The following SPATA6 variants were observed in gnomAD, a reference collection of about 807,000 sequenced individuals.
SPATA6 encodes spermatogenesis associated 6, also known as spermatogenesis-associated protein 6.
A neutral mutation model predicts 65.3 loss-of-function variants in SPATA6; 56 were observed. That is an observed-to-expected ratio of 0.86 (90% CI 0.69 to 1.07). The LOEUF (loss-of-function observed/expected upper bound fraction) is 1.07. Among genes scored for constraint, SPATA6 ranks in the 50% least tolerant of loss-of-function variants. The probability of loss-of-function intolerance (pLI) is 0.00; values close to 1 mark genes in which losing one functional copy is unlikely to be tolerated. For missense variants in SPATA6, 590 were observed against 594.8 expected (o/e 0.99, Z 0.08); for synonymous variants, 199 against 213.2 (o/e 0.93, Z 0.58).
the SPATA6 span, among the ~76,000 whole-genome samples, chr1:48,268,286 C>T: frequency 6.7e-6 from 1 of 148,410 alleles, no homozygotes; most frequent in African/African-American, 2.5e-5. Context: ...TGAGATGGGT[C>T]TACTTAAAAA....
chr1:48,340,236 T>A (rs1298670503), intron 11 of SPATA6, among the ~76,000 whole-genome samples: 3 of 64,386 alleles, frequency 4.7e-5, no homozygotes, highest in African/African-American at 1.4e-4. Flanking sequence ...ACAGTAGGCC[T>A]GCACTAAAAA....
chr1:48,357,146 T>G (rs1570275990), intron 10 of SPATA6, among the ~76,000 whole-genome samples: 1 of 152,230 alleles, frequency 6.6e-6, no homozygotes, highest in Non-Finnish European at 1.5e-5. Context: ...AACTCAAAAC[T>G]TTAAGCATGA....
At chr1:48,471,882 G>A in intron 1 of SPATA6, 76 bp downstream of exon 1, 1 of 1,534,442 alleles carries the variant, frequency 6.5e-7, no homozygotes. Flanking sequence ...GTTTGGGGGT[G>A]GTTCCGGGCT....
Position 48,394,618 on chromosome 1 carries a change from T to C in SPATA6, c.868+649A>G, listed in dbSNP as rs930397330. ...GAGATTACACACAACAGGTTAGAAA[T>C]AGAGATGAAGCTCACTCAATGTAAT... On this transcript the variant is annotated intron_variant, in intron 8 of 12. Coordinates refer to ENST00000371847, the MANE Select transcript of SPATA6 (RefSeq NM_019073.4). Among the ~76,000 whole-genome samples the C allele has an allele frequency of 2.6e-5, 4 of 152,180 alleles. No homozygotes were observed. The South Asian group carries it at 6.2e-4, about 24-fold the overall frequency.
the SPATA6 span, among the ~76,000 whole-genome samples, chr1:48,277,033 A>G: frequency 1.3e-5 from 2 of 150,654 alleles, no homozygotes; most frequent in Non-Finnish European, 3.0e-5. Flanking sequence ...ATATATATTT[A>G]AGATAGTTAA....
intron 7 of SPATA6, chr1:48,398,982 C>T (rs1465439355): frequency 6.1e-6 from 1 of 164,068 alleles, no homozygotes; most frequent in Non-Finnish European, 1.3e-5. Flanking sequence ...AAAGGAGGGT[C>T]TTCCTTTTCA....
chr1:48,438,665 C>A (rs1477240816), intron 3 of SPATA6, among the ~76,000 whole-genome samples: 5 of 152,196 alleles, frequency 3.3e-5, no homozygotes, highest in African/African-American at 7.2e-5. Flanking sequence ...TCTATCCTGA[C>A]CCTTGCCTCC....
Position 48,296,947 on chromosome 1 carries a change from G to A in SPATA6, c.*1766C>T, listed in dbSNP as rs1376780758. 2 of 152,076 alleles carry A rather than the reference G, an allele frequency of 1.3e-5. No individual in the cohort carries two copies. The highest frequency in any genetic ancestry group is 2.9e-5 in the Non-Finnish European group (2 of 68,022). 9.4% of individuals were successfully genotyped at this position (152,076 alleles called of 1,614,324 possible). ...TTACATGCCAGGCTGTCTACTAGAT[G>A]CAGAGTAAGACAGATTTATACCAGA... On this transcript the variant is annotated 3_prime_UTR_variant, in exon 13 of 13. Transcript: ENST00000371847.
At chr1:48,466,092 C>T (rs1433456260) in intron 1 of SPATA6, among the ~76,000 whole-genome samples, 1 of 151,998 alleles carries the variant, frequency 6.6e-6, no homozygotes, top group Non-Finnish European at 1.5e-5. Context: ...CTCCCTAGGG[C>T]ACACAATACA....
At chr1:48,370,932 A>G (rs1647226327) in intron 9 of SPATA6, among the ~76,000 whole-genome samples, 1 of 152,248 alleles carries the variant, frequency 6.6e-6, no homozygotes, top group South Asian at 2.1e-4. Context: ...ACAAACTGAC[A>G]AACTTTCTGA....
intron 11 of SPATA6, among the ~76,000 whole-genome samples, chr1:48,320,503 G>C (rs1241116452): frequency 2.0e-5 from 3 of 152,218 alleles, no homozygotes; most frequent in African/African-American, 7.2e-5. Flanking sequence ...TTGTAGAATA[G>C]TATATCTGGC....
At chr1:48,418,083 T>C (rs184488792) in intron 3 of SPATA6, among the ~76,000 whole-genome samples, 76 of 152,306 alleles carry the variant, frequency 5.0e-4, no homozygotes, top group Admixed American at 9.1e-4. Flanking sequence ...TTCTCTATAT[T>C]GTCTTTTAGT....
intron 11 of SPATA6, among the ~76,000 whole-genome samples, chr1:48,313,382 C>T (rs1645288456): frequency 6.6e-6 from 1 of 152,074 alleles, no homozygotes; most frequent in South Asian, 2.1e-4. Context: ...AGAGTGGGGG[C>T]CAATATTCAA....
intron 9 of SPATA6, among the ~76,000 whole-genome samples, chr1:48,361,720 A>G (rs1311402824): frequency 6.6e-6 from 1 of 152,184 alleles, no homozygotes; most frequent in Non-Finnish European, 1.5e-5. Context: ...ATCTTCCATT[A>G]TTTATTTAAA....
At chr1:48,277,636 C>T in the SPATA6 span, among the ~76,000 whole-genome samples, 8 of 152,334 alleles carry the variant, frequency 5.3e-5, no homozygotes, top group Admixed American at 3.3e-4. Flanking sequence ...GAGGGGCACC[C>T]GCCATTGCGC....
chr1:48,302,505 C>T (rs997008544), intron 12 of SPATA6, among the ~76,000 whole-genome samples: 26 of 152,292 alleles, frequency 1.7e-4, no homozygotes, highest in African/African-American at 5.3e-4. Context: ...GGGGCTACCC[C>T]GGAGTTAACA....
chr1:48,464,698 G>C (rs933239801), intron 1 of SPATA6, among the ~76,000 whole-genome samples: 1 of 152,200 alleles, frequency 6.6e-6, no homozygotes, highest in Non-Finnish European at 1.5e-5. Flanking sequence ...GATATAGCTA[G>C]ATTTCAAAAC....
In SPATA6 at chr1:48,442,404, G is replaced by A. The variant is rs1655579353; in HGVS notation, c.238+9148C>T. Among the ~76,000 whole-genome samples the A allele has an allele frequency of 2.0e-5, 3 of 152,126 alleles. No individual in the cohort carries two copies. In the South Asian group the frequency reaches 6.2e-4, roughly 32 times the overall value. ...CAAGGAAATCATGGAGTTACTGCAT[G>A]CAGTGCAAAAACCCAAAGAGGTGGC... On this transcript the variant is annotated intron_variant, in intron 3 of 12. Transcript: ENST00000371847.
rs753269962 is a variant in SPATA6 at position 48,399,424 on chromosome 1, C to T, written c.707G>A (p.Arg236Gln). ...MCELSEDTRR[R>Q]LAHLNLGPYE... The stretch of plus-strand genomic sequence containing the variant: ...GGGTCCCAGATTTAAATGGGCCAGC[C>T]GCCGCCTGGTGTCTTCAGATAGCTC... The change falls in exon 7 of 13, where the codon CGG (arginine) becomes CAG (glutamine). Residue 236 changes from arginine to glutamine, a missense_variant. By Grantham distance (43) the Arg-to-Gln change is conservative. Transcript: ENST00000371847. 3.1e-6 allele frequency: 5 copies of T among 1,613,146 alleles called. No homozygotes were observed. The highest frequency in any genetic ancestry group is 1.7e-5 in the Admixed American group (1 of 59,860).
Sources: gnomAD v4.1 joint callset for allele counts (sites outside exome capture counted in the v4.1 genomes callset) on GRCh38, gnomAD v4.1.1 for gene constraint, MANE v1.5 for transcripts, NCBI Gene and HGNC (gene_info 2026-07-23, HGNC 2026-07-21) for gene names.